Variants in ROBO2 observed in about 807,000 individuals in gnomAD.
ROBO2 encodes the protein roundabout homolog 2.
In ROBO2, 53 loss-of-function variants were observed where a neutral mutation model predicts 160.8. The observed-to-expected ratio is 0.33, with a 90% confidence interval of 0.26 to 0.41. The LOEUF is 0.41. Among genes scored for constraint, ROBO2 ranks in the 10% least tolerant of loss-of-function variants. ROBO2 has a pLI of 1.00. For missense variants in ROBO2, 1,577 were observed against 1,722.4 expected (o/e 0.92, Z 1.49); for synonymous variants, 664 against 611.7 (o/e 1.09, Z -1.26).
At chr3:76,656,176 C>G (rs973903857) in intron 2 of ROBO2, among the ~76,000 whole-genome samples, 1 of 152,104 alleles carries the variant, frequency 6.6e-6, no homozygotes, top group Non-Finnish European at 1.5e-5. Flanking sequence ...TGACTAAAAG[C>G]TTGTTGCTTT....
chr3:77,177,734 A>G (rs757413066), intron 2 of ROBO2, among the ~76,000 whole-genome samples: 2 of 152,008 alleles, frequency 1.3e-5, no homozygotes, highest in Non-Finnish European at 2.9e-5. Context: ...TAAGTAGAAA[A>G]TTAAATTTTT....
intron 2 of ROBO2, among the ~76,000 whole-genome samples, chr3:76,824,301 G>A (rs996896673): frequency 6.6e-6 from 1 of 152,156 alleles, no homozygotes; most frequent in Non-Finnish European, 1.5e-5. Context: ...CCTGGCTACA[G>A]TTCTGTTACT....
intron 2 of ROBO2, among the ~76,000 whole-genome samples, chr3:76,183,424 A>C (rs1307564360): frequency 2.0e-5 from 3 of 152,180 alleles, no homozygotes; most frequent in African/African-American, 7.2e-5. Flanking sequence ...ACTTGTGGCT[A>C]TCTCTAGCAC....
chr3:76,683,159 A>G (rs1214772824), intron 2 of ROBO2, among the ~76,000 whole-genome samples: 1 of 152,134 alleles, frequency 6.6e-6, no homozygotes, highest in Non-Finnish European at 1.5e-5. Flanking sequence ...ATCCAGAGGC[A>G]TATTTACTAA....
chr3:76,787,921 G>A (rs539902229), intron 2 of ROBO2, among the ~76,000 whole-genome samples: 5 of 151,516 alleles, frequency 3.3e-5, no homozygotes, highest in African/African-American at 1.2e-4. Context: ...TACGTATATA[G>A]AGCAGAAACA....
chr3:76,404,665 G>T (rs574140491), intron 2 of ROBO2, among the ~76,000 whole-genome samples: 3 of 151,350 alleles, frequency 2.0e-5, no homozygotes, highest in African/African-American at 7.3e-5. Flanking sequence ...AAAAATGAGA[G>T]ACTCGAAGTT....
chr3:77,035,065 T>C (rs1348602283), upstream of ROBO2, among the ~76,000 whole-genome samples: 2 of 151,994 alleles, frequency 1.3e-5, no homozygotes, highest in African/African-American at 4.8e-5. Context: ...ACTGAAGTTG[T>C]ACTTTCAAAT....
rs1402833869 is a variant in ROBO2, at chr3:76,109,765, C to A, written c.109+172163C>A. Among the ~76,000 whole-genome samples the A allele has an allele frequency of 2.0e-5, 3 of 151,942 alleles. No homozygotes were observed. In the East Asian group the frequency reaches 5.8e-4, roughly 30 times the overall value. ...GTTTGAGCTTTTATTGTACCAGCCACCCTAATAGTAAACATTGTACCCAGT... is the reference window on the plus strand; with the variant it reads ...GTTTGAGCTTTTATTGTACCAGCCAACCTAATAGTAAACATTGTACCCAGT... On this transcript the variant is annotated intron_variant, in intron 2 of 26. Transcript: ENST00000487694.
At chr3:76,604,084 GTTCTGTGGGTTGTCTT>G (rs2087453788) in intron 2 of ROBO2, among the ~76,000 whole-genome samples, 1 of 152,114 alleles carries the variant, frequency 6.6e-6, no homozygotes, top group Admixed American at 6.5e-5. Context: ...TAGATACTAA[GTTCTGTGGGTTGTCTT>G]ATCTACTTGA....
At chr3:76,939,644 C>A (rs984957884) in intron 2 of ROBO2, among the ~76,000 whole-genome samples, 2 of 152,004 alleles carry the variant, frequency 1.3e-5, no homozygotes, top group Non-Finnish European at 2.9e-5. Context: ...ATTAGCCAGG[C>A]GTGGTGATGC....
rs772033925 is a variant in ROBO2, at chr3:77,588,960, A to G, written c.2683+27A>G. The G allele has an allele frequency of 3.7e-6, 6 of 1,609,814 alleles. No individual in the cohort carries two copies. The South Asian group carries it at 5.5e-5, about 15-fold the overall frequency. On this transcript the variant is annotated intron_variant, in intron 17 of 25. Transcript: ENST00000461745. ...TAAGTGACTATTTCCAGCTAAGAAAATCTCTTGTCTGTAGGAATGTAATGA... is the reference window on the plus strand; with the variant it reads ...TAAGTGACTATTTCCAGCTAAGAAAGTCTCTTGTCTGTAGGAATGTAATGA...
At chr3:76,754,222 A>G (rs2060837790) in intron 2 of ROBO2, among the ~76,000 whole-genome samples, 1 of 151,928 alleles carries the variant, frequency 6.6e-6, no homozygotes, top group Admixed American at 6.6e-5. Context: ...AATTCAAAAA[A>G]AGAAAATGTT....
intron 2 of ROBO2, among the ~76,000 whole-genome samples, chr3:76,750,833 G>A (rs868556226): frequency 6.6e-6 from 1 of 152,040 alleles, no homozygotes; most frequent in South Asian, 2.1e-4. Flanking sequence ...ATGCTCATGG[G>A]TAGGAAGACT....
chr3:77,295,972 T>C (rs9868850), intron 2 of ROBO2, among the ~76,000 whole-genome samples: 14,084 of 87,240 alleles, frequency 0.16, 501 homozygotes, highest in Middle Eastern at 0.28. Flanking sequence ...GCTAGATCAC[T>C]CCAGGCATAA....
At chr3:77,324,505 C>T (rs1052525981) in intron 2 of ROBO2, among the ~76,000 whole-genome samples, 8 of 152,156 alleles carry the variant, frequency 5.3e-5, no homozygotes, top group African/African-American at 1.7e-4. Flanking sequence ...ATAGGCCGGG[C>T]GCCGTGGCTC....
At chr3:75,990,476 C>T (rs2065535855) in intron 2 of ROBO2, among the ~76,000 whole-genome samples, 1 of 152,130 alleles carries the variant, frequency 6.6e-6, no homozygotes, top group Non-Finnish European at 1.5e-5. Context: ...GTTGTTACTC[C>T]AGGATAGATT....
chr3:76,910,509 C>A (rs971802213), intron 2 of ROBO2, among the ~76,000 whole-genome samples: 3 of 151,992 alleles, frequency 2.0e-5, no homozygotes, highest in African/African-American at 7.2e-5. Flanking sequence ...GGGCGGATCA[C>A]AAGGTCAAAA....
chr3:77,041,614 T>C (rs1420105591), intron 1 of ROBO2, among the ~76,000 whole-genome samples: 1 of 152,228 alleles, frequency 6.6e-6, no homozygotes, highest in Non-Finnish European at 1.5e-5. Flanking sequence ...TCACAGGATG[T>C]CAATTTCTTG....
At chr3:76,196,316 A>G (rs1702259149) in intron 2 of ROBO2, among the ~76,000 whole-genome samples, 1 of 152,190 alleles carries the variant, frequency 6.6e-6, no homozygotes, top group Admixed American at 6.6e-5. Context: ...TCATTGCCTT[A>G]TATAATATCC....
Sources: allele counts gnomAD v4.1 joint callset (sites outside exome capture counted in the v4.1 genomes callset), GRCh38; gene constraint gnomAD v4.1.1; transcripts MANE v1.5; gene names NCBI Gene and HGNC (gene_info 2026-07-23, HGNC 2026-07-21).